Variants in SEC31B observed in about 807,000 individuals in gnomAD.
The protein encoded by SEC31B is protein transport protein Sec31B.
A neutral mutation model predicts 135.0 loss-of-function variants in SEC31B; 113 were observed. The ratio of observed to expected loss-of-function variants is 0.84; its 90% CI spans 0.72 to 0.98. The LOEUF (loss-of-function observed/expected upper bound fraction) is 0.98. Among genes scored for constraint, SEC31B ranks in the 50% least tolerant of loss-of-function variants. SEC31B has a pLI of 0.00. For synonymous variants in SEC31B, 508 were observed against 549.4 expected (o/e 0.92, Z 1.05); for missense variants, 1,296 against 1,421.1 (o/e 0.91, Z 1.42).
chr10:100,504,506 A>G (rs1851587769), intron 10 of SEC31B, among the ~76,000 whole-genome samples: 1 of 152,224 alleles, frequency 6.6e-6, no homozygotes, highest in South Asian at 2.1e-4. Flanking sequence ...CTGAATTTTA[A>G]TAAGATCCCC....
At chr10:100,519,757 C>G (rs968988426) in intron 1 of SEC31B, 25 bp downstream of exon 1, 1 of 152,290 alleles carries the variant, frequency 6.6e-6, no homozygotes, top group Non-Finnish European at 1.5e-5. Context: ...CTACCAGGGA[C>G]CCCAGACCGG....
At chr10:100,506,594 A>T in intron 7 of SEC31B, 174 bp from the exon 8 acceptor site, 1 of 629,510 alleles carries the variant, frequency 1.6e-6, no homozygotes, top group Non-Finnish European at 2.7e-6. Flanking sequence ...AAATTAAGTA[A>T]CTTTCCAACA....
chr10:100,496,126 G>A, intron 18 of SEC31B, 132 bp downstream of exon 18: 1 of 919,596 alleles, frequency 1.1e-6, no homozygotes, highest in Non-Finnish European at 1.6e-6. Flanking sequence ...TAGATTGTGA[G>A]GTGCTTAAGG....
At chr10:100,493,148 C>T (rs748779795) in intron 19 of SEC31B, among the ~76,000 whole-genome samples, 5 of 152,140 alleles carry the variant, frequency 3.3e-5, no homozygotes, top group East Asian at 1.9e-4. Flanking sequence ...CCGAGGCGGG[C>T]GGATCACGAG....
intron 4 of SEC31B, 28 bp from the exon 5 acceptor site, chr10:100,509,130 A>G: frequency 6.2e-7 from 1 of 1,600,668 alleles, no homozygotes; most frequent in South Asian, 1.1e-5. Context: ...GTTTGGAGAC[A>G]TACCACCCTA....
chr10:100,509,236 C>A, intron 4 of SEC31B, 80 bp downstream of exon 4: 1 of 1,515,848 alleles, frequency 6.6e-7, no homozygotes, highest in South Asian at 1.2e-5. Flanking sequence ...GAGTTACAGA[C>A]TGGAGGCCAC....
rs189670085 is a variant in SEC31B at position 100,519,296 on chromosome 10, G to A, written c.-46+486C>T. ...CTGGGGTCAGATTGGCCATGGGGGC[G>A]TGAGGGGGAGATGACCAATGAAATG... On this transcript the variant is annotated intron_variant, in intron 1 of 25. Transcript: ENST00000370345. Among the ~76,000 whole-genome samples the A allele has an allele frequency of 6.3e-3, 957 of 152,364 alleles. 14 individuals carry two copies. The highest frequency in any genetic ancestry group is 0.022 in the African/African-American group (907 of 41,588).
Position 100,488,093 on chromosome 10 carries a change from T to C in SEC31B, c.3294A>G (p.Thr1098=). The change falls in exon 25 of 26, where the codon ACA becomes ACG. Residue 1098 remains threonine (T), a synonymous_variant. Transcript: ENST00000370345. Reference sequence around the variant, plus strand: ...GGGCTGCCTCTTCCAGCTTCCTTTTTGTCTTCTGCAGGGAAAGAAATGGAT... The same window carrying C: ...GGGCTGCCTCTTCCAGCTTCCTTTTCGTCTTCTGCAGGGAAAGAAATGGAT... The part of the protein sequence containing the change: ...RCSLSATDLK[T]KRKLEEAAQR... The C allele has an allele frequency of 6.2e-7, 1 of 1,613,982 alleles. No homozygotes were observed. The highest frequency in any genetic ancestry group is 8.5e-7 in the Non-Finnish European group (1 of 1,179,910).
At chr10:100,512,738 GA>G (rs1352716195) in intron 3 of SEC31B, among the ~76,000 whole-genome samples, 1 of 152,170 alleles carries the variant, frequency 6.6e-6, no homozygotes, top group Non-Finnish European at 1.5e-5. Flanking sequence ...GATATAGGAA[GA>G]GGTTTAAAAA....
At chr10:100,492,115 C>T (rs1851311891) in intron 19 of SEC31B, among the ~76,000 whole-genome samples, 1 of 152,220 alleles carries the variant, frequency 6.6e-6, no homozygotes, top group Admixed American at 6.5e-5. Context: ...TGTCCTTGGT[C>T]TCATAAAGAG....
At chr10:100,489,536 T>C (rs1190390791) in intron 22 of SEC31B, 138 bp from the exon 23 acceptor site, 2 of 1,336,186 alleles carry the variant, frequency 1.5e-6, no homozygotes, top group Admixed American at 2.2e-5. Context: ...GACTGGTGTA[T>C]GTGTGTAAGA....
chr10:100,512,154 G>GT (rs1851747837), intron 3 of SEC31B, among the ~76,000 whole-genome samples: 1 of 151,994 alleles, frequency 6.6e-6, no homozygotes, highest in Non-Finnish European at 1.5e-5. Flanking sequence ...TGCTCCCCAA[G>GT]TAACTAGAAT....
At chr10:100,508,952 T>C in intron 5 of SEC31B, 55 bp downstream of exon 5, 1 of 1,417,246 alleles carries the variant, frequency 7.1e-7, no homozygotes, top group Non-Finnish European at 1.0e-6. Flanking sequence ...TCAAGACTTT[T>C]ACTTAGGAGA....
intron 3 of SEC31B, among the ~76,000 whole-genome samples, chr10:100,513,354 A>G (rs1462207941): frequency 1.3e-5 from 2 of 152,234 alleles, no homozygotes; most frequent in Non-Finnish European, 2.9e-5. Flanking sequence ...AGTATGAGGT[A>G]AAGTTCATGA....
intron 25 of SEC31B, 95 bp from the exon 26 acceptor site, chr10:100,487,890 A>G (rs1851213139): frequency 6.5e-7 from 1 of 1,534,676 alleles, no homozygotes; most frequent in Non-Finnish European, 9.0e-7. Flanking sequence ...TCTGGGGCCC[A>G]GTCCAGGCAA....
intron 8 of SEC31B, 27 bp from the exon 9 acceptor site, chr10:100,506,228 G>A (rs779619774): frequency 2.5e-6 from 4 of 1,614,094 alleles, no homozygotes; most frequent in Non-Finnish European, 2.5e-6. Flanking sequence ...CACCATTAGG[G>A]ACAGTCCATG....
rs773514178 is a variant in SEC31B, at chr10:100,502,495, A to C, written c.1180-11T>G. 6.3e-7 allele frequency: 1 copy of C among 1,595,652 alleles called. No homozygotes were observed. The highest frequency in any genetic ancestry group is 8.6e-7 in the Non-Finnish European group (1 of 1,165,618). ...CAGCTTCCCTCCAAACTGGTGAGGAAAAGCAAGAAGGGTAAAGGTTATACC... is the reference window on the plus strand; with the variant it reads ...CAGCTTCCCTCCAAACTGGTGAGGACAAGCAAGAAGGGTAAAGGTTATACC... On this transcript the variant is annotated splice_polypyrimidine_tract_variant and intron_variant, in intron 10 of 25. Coordinates refer to ENST00000370345, the MANE Select transcript of SEC31B (RefSeq NM_015490.4).
chr10:100,489,284 G>A lies in SEC31B; in HGVS notation c.3139C>T (p.Pro1047Ser). 4 of 1,612,180 alleles carry A rather than the reference G, an allele frequency of 2.5e-6. No individual in the cohort carries two copies. The highest frequency in any genetic ancestry group is 3.4e-6 in the Non-Finnish European group (4 of 1,179,370). The change falls in exon 23 of 26, where the codon CCC becomes TCC. Residue 1047 changes from proline to serine, a missense_variant. Physicochemically the swap from Pro to Ser is moderately conservative, Grantham distance 74. Transcript: ENST00000370345. ...CTGAGTTCTCCTGGAACTCCTGGGGGAGCATGACTCACACTGGAGACAGGG... is the reference window on the plus strand; with the variant it reads ...CTGAGTTCTCCTGGAACTCCTGGGGAAGCATGACTCACACTGGAGACAGGG... Reference protein sequence around the residue: ...QPPVSSVSHAPPGVPGELSLQ... With the variant: ...QPPVSSVSHASPGVPGELSLQ...
intron 1 of SEC31B, among the ~76,000 whole-genome samples, chr10:100,518,355 T>C (rs1294521467): frequency 5.4e-5 from 8 of 148,126 alleles, no homozygotes; most frequent in Non-Finnish European, 9.0e-5. Flanking sequence ...TGGCTCCTTA[T>C]ATCTTTCTGG....
Sources: gnomAD v4.1 joint callset for allele counts (sites outside exome capture counted in the v4.1 genomes callset) on GRCh38, gnomAD v4.1.1 for gene constraint, MANE v1.5 for transcripts, NCBI Gene and HGNC (gene_info 2026-07-23, HGNC 2026-07-21) for gene names.